Variants in RCBTB2 observed in about 807,000 individuals in gnomAD.
The protein encoded by RCBTB2 is RCC1 and BTB domain containing protein 2, also known as RCC1 and BTB domain-containing protein 2.
In RCBTB2, 55 loss-of-function variants were observed where a neutral mutation model predicts 65.4. The observed-to-expected ratio is 0.84, with a 90% CI of 0.68 to 1.05. RCBTB2 has a LOEUF of 1.05. RCBTB2 is among the 50% of genes least tolerant of loss of function. The pLI is 0.00. For synonymous variants in RCBTB2, 220 were observed against 255.2 expected (o/e 0.86, Z 1.31); for missense variants, 599 against 680.1 (o/e 0.88, Z 1.33).
intron 10 of RCBTB2, among the ~76,000 whole-genome samples, chr13:48,506,166 G>A (rs1950494266): frequency 6.6e-6 from 1 of 152,220 alleles, no homozygotes; most frequent in African/African-American, 2.4e-5. Flanking sequence ...GGACCAACAT[G>A]CAGGCAGAGC....
chr13:48,493,313 A>ACTCTCTCT (rs1213235186), intron 14 of RCBTB2, among the ~76,000 whole-genome samples: 1,765 of 59,850 alleles, frequency 0.029, 18 homozygotes, highest in Admixed American at 0.06. Flanking sequence ...ACACACACAC[A>ACTCTCTCT]CACTCTCTCT....
intron 14 of RCBTB2, among the ~76,000 whole-genome samples, chr13:48,494,412 C>G (rs1239127380): frequency 2.0e-5 from 3 of 152,132 alleles, no homozygotes; most frequent in African/African-American, 4.8e-5. Flanking sequence ...ATTAGCTGGA[C>G]AGGCTGTAGT....
chr13:48,535,616 T>C, upstream of RCBTB2: 1 of 455,232 alleles, frequency 2.2e-6, no homozygotes, highest in South Asian at 1.6e-5. Context: ...CCATTGAAAC[T>C]CCTCTTGGCA....
intron 1 of RCBTB2, among the ~76,000 whole-genome samples, chr13:48,525,894 A>G (rs915101197): frequency 7.2e-5 from 11 of 152,156 alleles, no homozygotes. Context: ...AGACAGTACT[A>G]TTTTAATGTG....
In RCBTB2 at chr13:48,493,311, A is replaced by ACTCTCTCTCTCTCTCTCTCTCTCTCT. The variant is rs773819158; in HGVS notation, c.1515+2879_1515+2880insAGAGAGAGAGAGAGAGAGAGAGAGAG. On this transcript the variant is annotated intron_variant, in intron 14 of 14. Transcript: ENST00000344532. ...TCTCCACACACACACACACACACACACACACTCTCTCTCTCTCTCTCTCTC... is the reference window on the plus strand; with the variant it reads ...TCTCCACACACACACACACACACACACTCTCTCTCTCTCTCTCTCTCTCTCTCACACTCTCTCTCTCTCTCTCTCTC... 4.7e-4 allele frequency among the ~76,000 whole-genome samples: 27 copies of ACTCTCTCTCTCTCTCTCTCTCTCTCT among 57,424 alleles called. No homozygotes were observed. In the East Asian group the frequency reaches 0.01, roughly 22 times the overall value. The allele number at this position is 57,424 out of a possible 152,430, so 37.7% of individuals were successfully genotyped here.
chr13:48,495,038 G>A (rs1949907833), intron 14 of RCBTB2, among the ~76,000 whole-genome samples: 1 of 152,002 alleles, frequency 6.6e-6, no homozygotes, highest in African/African-American at 2.4e-5. Context: ...AATAAGCATA[G>A]TATTATTTAT....
chr13:48,525,389 T>G (rs1412357208), intron 1 of RCBTB2, among the ~76,000 whole-genome samples: 3 of 126,706 alleles, frequency 2.4e-5, no homozygotes, highest in Non-Finnish European at 4.8e-5. Flanking sequence ...TATATATATA[T>G]ATATATATAT....
intron 6 of RCBTB2, among the ~76,000 whole-genome samples, chr13:48,513,470 T>A (rs930162150): frequency 6.6e-6 from 1 of 152,188 alleles, no homozygotes; most frequent in South Asian, 2.1e-4. Flanking sequence ...GTTTTTGAAA[T>A]TTAAATAAAT....
At chr13:48,513,378 T>C (rs555039670) in intron 6 of RCBTB2, among the ~76,000 whole-genome samples, 1 of 152,324 alleles carries the variant, frequency 6.6e-6, no homozygotes, top group South Asian at 2.1e-4. Flanking sequence ...TACTACTACT[T>C]AAGTCAAGAA....
chr13:48,522,225 G>T, intron 3 of RCBTB2, 83 bp downstream of exon 3: 1 of 926,920 alleles, frequency 1.1e-6, no homozygotes, highest in African/African-American at 1.6e-5. Flanking sequence ...ATTCACATGG[G>T]TCCTTAACTC....
chr13:48,513,046 G>T (rs890049755), intron 6 of RCBTB2, 151 bp from the exon 7 acceptor site: 5 of 622,712 alleles, frequency 8.0e-6, no homozygotes, highest in Non-Finnish European at 1.4e-5. Context: ...TTCTACAAAA[G>T]AATCTATTTG....
upstream of RCBTB2, among the ~76,000 whole-genome samples, chr13:48,533,462 C>T (rs921600976): frequency 6.6e-6 from 1 of 152,222 alleles, no homozygotes; most frequent in African/African-American, 2.4e-5. Flanking sequence ...TTTCCACAGC[C>T]CCTCTCCTCC....
rs556132273 is a variant in RCBTB2, at chr13:48,490,237, G to A, written c.1530C>T (p.Phe510=). 2 of 1,613,036 alleles carry A rather than the reference G, an allele frequency of 1.2e-6. No individual in the cohort carries two copies. Among genetic ancestry groups the A allele is most frequent in the African/African-American group, 1.3e-5 (1 of 74,852 alleles). The change falls in exon 15 of 15, where the codon TTC becomes TTT. Residue 510 remains phenylalanine, a synonymous_variant. Transcript: ENST00000344532. ...VKYDAQDLEE[F]CFRFCINHLT... is the part of the protein sequence containing the mutation. The stretch of plus-strand genomic sequence containing the variant: ...GATGGTTTATGCAAAACCTGAAGCA[G>A]AATTCTTCTAAATCCTAGGAACAAC...
chr13:48,512,294 C>G (rs550470314), intron 7 of RCBTB2, 120 bp from the exon 8 acceptor site: 2 of 789,086 alleles, frequency 2.5e-6, no homozygotes, highest in Non-Finnish European at 4.1e-6. Context: ...TTCATAAATC[C>G]TCACAACACA....
upstream of RCBTB2, among the ~76,000 whole-genome samples, chr13:48,535,150 A>T (rs954306288): frequency 9.2e-5 from 14 of 151,962 alleles, no homozygotes; most frequent in African/African-American, 3.1e-4. Flanking sequence ...TTCCTTGATT[A>T]TATGTCCCCT....
At chr13:48,513,014 C>G in intron 6 of RCBTB2, 119 bp from the exon 7 acceptor site, 2 of 744,300 alleles carry the variant, frequency 2.7e-6, no homozygotes, top group Non-Finnish European at 4.2e-6. Context: ...AGCTAATCAA[C>G]TTCCCCATTC....
In RCBTB2 at chr13:48,515,303, T is replaced by G. The variant is rs775131688; in HGVS notation, c.251A>C (p.Gln84Pro). ...CCGCLGLGDV[Q>P]STIEPRRLDS... Reference sequence around the variant, plus strand: ...CAGTCTCCGAGGTTCAATGGTGCTCTGGACGTCACCTAACCCCAAACAGCC... The same window carrying G: ...CAGTCTCCGAGGTTCAATGGTGCTCGGGACGTCACCTAACCCCAAACAGCC... Residue 84 changes from glutamine to proline, a missense_variant, in exon 6 of 15, where the codon CAG (glutamine) becomes CCG (proline). Transcript: ENST00000344532. 1.9e-6 allele frequency: 3 copies of G among 1,614,192 alleles called. 1 individual carries two copies. The highest frequency in any genetic ancestry group is 2.5e-6 in the Non-Finnish European group (3 of 1,180,008).
At chr13:48,493,566 T>C (rs1949842478) in intron 14 of RCBTB2, among the ~76,000 whole-genome samples, 1 of 151,798 alleles carries the variant, frequency 6.6e-6, no homozygotes, top group Admixed American at 6.6e-5. Flanking sequence ...CACCGCACCA[T>C]CTCCCTGCCT....
intron 4 of RCBTB2, 47 bp downstream of exon 4, chr13:48,521,851 T>G (rs1035001120): frequency 5.8e-6 from 9 of 1,564,810 alleles, no homozygotes; most frequent in Non-Finnish European, 7.0e-6. Context: ...GAAGTATGTT[T>G]CATGCAACAG....
Sources: allele counts gnomAD v4.1 joint callset (sites outside exome capture counted in the v4.1 genomes callset), GRCh38; gene constraint gnomAD v4.1.1; transcripts MANE v1.5; gene names NCBI Gene and HGNC (gene_info 2026-07-23, HGNC 2026-07-21).